Variants in CACNA2D3 observed in about 807,000 individuals in gnomAD.
CACNA2D3 encodes the protein calcium voltage-gated channel auxiliary subunit alpha2delta 3.
CACNA2D3 carries 60 observed loss-of-function variants against 160.6 expected under a neutral mutation model. That is an observed-to-expected ratio of 0.37 (90% confidence interval 0.30 to 0.46). The LOEUF (loss-of-function observed/expected upper bound fraction) is 0.46. Ranked by LOEUF, CACNA2D3 falls within the 20% of genes least tolerant of loss-of-function variation. The probability of loss-of-function intolerance (pLI) is 1.00; values close to 1 mark genes in which losing one functional copy is unlikely to be tolerated. For missense variants in CACNA2D3, 1,205 were observed against 1,365.0 expected (o/e 0.88, Z 1.85); for synonymous variants, 558 against 492.9 (o/e 1.13, Z -1.75).
chr3:54,540,776 C>A (rs1392471476), intron 5 of CACNA2D3, among the ~76,000 whole-genome samples: 1 of 152,018 alleles, frequency 6.6e-6, no homozygotes, highest in Non-Finnish European at 1.5e-5. Context: ...ACCCAAAGAC[C>A]CCATCTCCTA....
chr3:54,737,985 C>T (rs1701567680), intron 11 of CACNA2D3, among the ~76,000 whole-genome samples: 1 of 152,184 alleles, frequency 6.6e-6, no homozygotes. Flanking sequence ...CTATCTTATT[C>T]CTGTTACAAC....
At chr3:54,403,216 TTGG>T (rs1241185209) in intron 4 of CACNA2D3, among the ~76,000 whole-genome samples, 1 of 151,946 alleles carries the variant, frequency 6.6e-6, no homozygotes, top group Non-Finnish European at 1.5e-5. Context: ...GTAGCCGGTC[TTGG>T]TGGCACGTAC....
At chr3:54,148,312 C>T (rs186829465) in intron 2 of CACNA2D3, among the ~76,000 whole-genome samples, 57 of 152,316 alleles carry the variant, frequency 3.7e-4, no homozygotes, top group Non-Finnish European at 7.1e-4. Flanking sequence ...TCAGAATGGT[C>T]AGAAATGCCT....
chr3:54,460,329 G>A (rs562611401), intron 4 of CACNA2D3, among the ~76,000 whole-genome samples: 143 of 152,286 alleles, frequency 9.4e-4, no homozygotes, highest in African/African-American at 3.2e-3. Flanking sequence ...TTGGTAGCTT[G>A]AAGGGGATGG....
At chr3:54,458,533 A>G (rs756898708) in intron 4 of CACNA2D3, among the ~76,000 whole-genome samples, 18 of 151,168 alleles carry the variant, frequency 1.2e-4, no homozygotes, top group East Asian at 1.9e-4. Context: ...TGAGAAATCT[A>G]CTGATAGTCT....
chr3:54,802,907 T>A (rs1703027165), intron 13 of CACNA2D3, among the ~76,000 whole-genome samples: 1 of 152,142 alleles, frequency 6.6e-6, no homozygotes, highest in Non-Finnish European at 1.5e-5. Flanking sequence ...TTCACGAAAG[T>A]CCGCTGTTCT....
chr3:54,624,539 G>T (rs540250557), intron 9 of CACNA2D3, among the ~76,000 whole-genome samples: 26 of 152,264 alleles, frequency 1.7e-4, no homozygotes, highest in Non-Finnish European at 2.8e-4. Flanking sequence ...GGAGAATGGC[G>T]TGAACCCGGG....
intron 11 of CACNA2D3, among the ~76,000 whole-genome samples, chr3:54,711,243 C>G (rs1025777768): frequency 6.6e-6 from 1 of 152,168 alleles, no homozygotes; most frequent in South Asian, 2.1e-4. Context: ...TGTGCCTCAG[C>G]GCTCCACATT....
Position 54,933,051 on chromosome 3 carries a change from C to CCCTTCCTT in CACNA2D3, c.2449+33241_2449+33248dup, listed in dbSNP as rs60554563. On this transcript the variant is annotated intron_variant, in intron 27 of 37. Transcript: ENST00000474759. Reference sequence around the variant, plus strand: ...TATTGTCTTCCATCCATCCATCCCTCCCTTCCTTCCTTCCTTCCTTCCTTC... The same window carrying CCCTTCCTT: ...TATTGTCTTCCATCCATCCATCCCTCCCTTCCTTCCTTCCTTCCTTCCTTCCTTCCTTC... Among the ~76,000 whole-genome samples the CCCTTCCTT allele has an allele frequency of 1.9e-3, 261 of 139,486 alleles. 1 individual carries two copies. Among genetic ancestry groups the CCCTTCCTT allele is most frequent in the Middle Eastern group, 7.2e-3 (2 of 278 alleles). 91.5% of individuals were successfully genotyped at this position (139,486 alleles called of 152,430 possible).
rs1702648030 is a variant in CACNA2D3 at position 54,987,750 on chromosome 3, A to T, written c.2687A>T (p.Lys896Ile). The T allele has an allele frequency of 6.2e-7, 1 of 1,605,646 alleles. No individual in the cohort carries two copies. The highest frequency in any genetic ancestry group is 8.5e-7 in the Non-Finnish European group (1 of 1,177,084). The change falls in exon 31 of 38, where the codon AAA (lysine) becomes ATA (isoleucine). Residue 896 changes from lysine to isoleucine, a missense_variant. Transcript: ENST00000474759. ...AAATTGCTAACAATGGGCTCCTTTA[A>T]AAGGTAAGGGTTTTATGGTCCACTG... The part of the protein sequence containing the change: ...MNKLLTMGSF[K>I]RITLYDYQAM...
intron 4 of CACNA2D3, among the ~76,000 whole-genome samples, chr3:54,486,014 A>G (rs1202836721): frequency 6.6e-6 from 1 of 152,172 alleles, no homozygotes; most frequent in East Asian, 1.9e-4. Context: ...TGGGAATTGC[A>G]CGAAAAATTT....
intron 27 of CACNA2D3, chr3:54,927,812 C>T (rs1469133765): frequency 3.6e-6 from 5 of 1,370,928 alleles, no homozygotes; most frequent in Non-Finnish European, 4.2e-6. Flanking sequence ...AGACAGACGA[C>T]TTGAAAATAG....
At chr3:54,993,288 G>A (rs1702781734) in intron 31 of CACNA2D3, among the ~76,000 whole-genome samples, 1 of 152,210 alleles carries the variant, frequency 6.6e-6, no homozygotes, top group Non-Finnish European at 1.5e-5. Context: ...CTCAGGTAGG[G>A]CACCTTGCTC....
intron 31 of CACNA2D3, among the ~76,000 whole-genome samples, chr3:54,995,441 G>A (rs770465926): frequency 4.6e-5 from 7 of 152,038 alleles, no homozygotes; most frequent in African/African-American, 1.5e-4. Flanking sequence ...GGACCCTCAC[G>A]TTACAGACCC....
rs534616297 is a variant in CACNA2D3 at position 54,224,789 on chromosome 3, T to A, written c.205-95653T>A. Among the ~76,000 whole-genome samples the A allele has an allele frequency of 7.2e-5, 11 of 152,270 alleles. No homozygotes were observed. The South Asian group carries it at 2.1e-3, about 29-fold the overall frequency. On this transcript the variant is annotated intron_variant, in intron 2 of 37. Coordinates refer to ENST00000474759, the MANE Select transcript of CACNA2D3 (RefSeq NM_018398.3). ...GTGTGTTTAGATTCACATACACATT[T>A]ACCTTTTTGGTTGCTCTTTATTCTT...
intron 2 of CACNA2D3, among the ~76,000 whole-genome samples, chr3:54,303,432 G>C (rs1025842838): frequency 1.8e-4 from 28 of 152,356 alleles, no homozygotes; most frequent in African/African-American, 6.0e-4. Context: ...TAATTCAGCA[G>C]AGTTTCTTGT....
chr3:54,174,599 A>G (rs1213918264), intron 2 of CACNA2D3, among the ~76,000 whole-genome samples: 3 of 152,014 alleles, frequency 2.0e-5, no homozygotes, highest in African/African-American at 7.2e-5. Flanking sequence ...ATCTCAGCTC[A>G]CTGAAAGCTC....
At chr3:54,626,647 C>G in intron 9 of CACNA2D3, 1 of 918,062 alleles carries the variant, frequency 1.1e-6, no homozygotes, top group Non-Finnish European at 1.7e-6. Flanking sequence ...CCCTCTCAAG[C>G]AGTGGCTCAG....
At chr3:54,576,270 T>A (rs960513779) in intron 8 of CACNA2D3, among the ~76,000 whole-genome samples, 1 of 152,190 alleles carries the variant, frequency 6.6e-6, no homozygotes, top group African/African-American at 2.4e-5. Context: ...AAGTCAGTTG[T>A]CTTTGGCTCT....
Sources: allele counts gnomAD v4.1 joint callset (sites outside exome capture counted in the v4.1 genomes callset), GRCh38; gene constraint gnomAD v4.1.1; transcripts MANE v1.5; gene names NCBI Gene and HGNC (gene_info 2026-07-23, HGNC 2026-07-21).